FRMD4A: variants seen among roughly 807,000 people sequenced by gnomAD.
The protein encoded by FRMD4A is FERM domain-containing protein 4A.
A neutral mutation model predicts 129.1 loss-of-function variants in FRMD4A; 29 were observed. The observed-to-expected ratio is 0.22, with a 90% CI of 0.17 to 0.31. FRMD4A has a LOEUF of 0.31. Ranked by LOEUF, FRMD4A falls within the 10% of genes least tolerant of loss-of-function variation. The probability of loss-of-function intolerance (pLI) is 1.00; values close to 1 mark genes in which losing one functional copy is unlikely to be tolerated. For missense variants in FRMD4A, 1,272 were observed against 1,375.8 expected (o/e 0.92, Z 1.19); for synonymous variants, 634 against 571.6 (o/e 1.11, Z -1.56).
chr10:14,234,359 C>T (rs1843731890), intron 2 of FRMD4A, among the ~76,000 whole-genome samples: 2 of 152,218 alleles, frequency 1.3e-5, no homozygotes, highest in African/African-American at 4.8e-5. Flanking sequence ...CAGAGACCAA[C>T]TCTGTTTTTA....
chr10:13,870,274 C>T (rs188331673), intron 2 of FRMD4A, among the ~76,000 whole-genome samples: 81 of 152,330 alleles, frequency 5.3e-4, no homozygotes, highest in Admixed American at 3.5e-3. Flanking sequence ...CTGTGAAAGA[C>T]GACTGTCTGA....
chr10:14,219,756 T>C (rs1275247025), intron 2 of FRMD4A, among the ~76,000 whole-genome samples: 1 of 152,144 alleles, frequency 6.6e-6, no homozygotes, highest in Non-Finnish European at 1.5e-5. Flanking sequence ...AGGCTGCCTG[T>C]GTGCATCCTC....
chr10:14,203,954 T>A (rs756579856), intron 2 of FRMD4A, among the ~76,000 whole-genome samples: 11 of 152,224 alleles, frequency 7.2e-5, no homozygotes, highest in Non-Finnish European at 1.5e-4. Context: ...TCCCAACAGA[T>A]TGTCAGTAAC....
At chr10:14,269,886 A>T (rs921822621) in intron 2 of FRMD4A, among the ~76,000 whole-genome samples, 5 of 152,280 alleles carry the variant, frequency 3.3e-5, no homozygotes, top group South Asian at 4.2e-4. Flanking sequence ...AGAGAAACCC[A>T]GGTGATTTGG....
intron 2 of FRMD4A, among the ~76,000 whole-genome samples, chr10:14,321,496 T>C (rs1843048490): frequency 6.6e-6 from 1 of 151,842 alleles, no homozygotes; most frequent in South Asian, 2.1e-4. Context: ...TCCAACACTG[T>C]GAGAGTATGA....
chr10:13,731,278 G>A (rs2090306761), intron 12 of FRMD4A, among the ~76,000 whole-genome samples: 1 of 152,158 alleles, frequency 6.6e-6, no homozygotes, highest in Non-Finnish European at 1.5e-5. Flanking sequence ...AAAGAGGGAG[G>A]GGGAAACATC....
At chr10:14,227,294 C>T (rs1843478054) in intron 2 of FRMD4A, among the ~76,000 whole-genome samples, 1 of 127,696 alleles carries the variant, frequency 7.8e-6, no homozygotes, top group Admixed American at 8.9e-5. Flanking sequence ...CTCTGTCACC[C>T]AGGCTGGAGT....
intron 2 of FRMD4A, chr10:13,891,890 C>G (rs984151369): frequency 1.8e-4 from 51 of 283,774 alleles, no homozygotes; most frequent in Non-Finnish European, 2.6e-4. Context: ...CGCCCGCGCC[C>G]GGCCCGCCGC....
intron 2 of FRMD4A, among the ~76,000 whole-genome samples, chr10:14,233,627 T>C (rs971832098): frequency 5.3e-5 from 8 of 152,166 alleles, no homozygotes; most frequent in Admixed American, 3.9e-4. Flanking sequence ...CTAGTTAGTA[T>C]AGGATGTAAG....
chr10:14,090,357 G>T (rs1836589972), intron 2 of FRMD4A, among the ~76,000 whole-genome samples: 1 of 152,216 alleles, frequency 6.6e-6, no homozygotes, highest in Admixed American at 6.5e-5. Context: ...ATGATTAGGA[G>T]CGTAATTGGT....
chr10:13,685,087 A>G (rs1340231923), intron 15 of FRMD4A: 13 of 984,832 alleles, frequency 1.3e-5, no homozygotes, highest in Non-Finnish European at 1.6e-5. Flanking sequence ...GCCACATTGC[A>G]GACTGCAGGA....
chr10:13,697,825 G>A (rs1434107765), intron 14 of FRMD4A, among the ~76,000 whole-genome samples: 1 of 152,196 alleles, frequency 6.6e-6, no homozygotes, highest in Non-Finnish European at 1.5e-5. Flanking sequence ...AGTGTCTAAT[G>A]TCGACTCTAA....
intron 23 of FRMD4A, chr10:13,654,190 C>T (rs557254669): frequency 3.1e-5 from 18 of 580,746 alleles, no homozygotes; most frequent in South Asian, 1.5e-4. Context: ...CAAGGACCAC[C>T]GCCTACTTTA....
chr10:14,316,524 A>AAAAAAAAAG (rs556192567), intron 2 of FRMD4A, among the ~76,000 whole-genome samples: 15 of 132,624 alleles, frequency 1.1e-4, no homozygotes, highest in Non-Finnish European at 2.4e-4. Flanking sequence ...AAAAAAAAAA[A>AAAAAAAAAG]AAGAAGAAGA....
At chr10:13,880,794 A>G (rs1014800602) in intron 2 of FRMD4A, among the ~76,000 whole-genome samples, 1 of 151,496 alleles carries the variant, frequency 6.6e-6, no homozygotes, top group Non-Finnish European at 1.5e-5. Flanking sequence ...GGTCTACAAG[A>G]CCCCTGTGTT....
At chr10:13,672,668 G>T (rs1384344029) in intron 16 of FRMD4A, among the ~76,000 whole-genome samples, 1 of 152,046 alleles carries the variant, frequency 6.6e-6, no homozygotes, top group East Asian at 1.9e-4. Flanking sequence ...CTCTGCAGTG[G>T]GGCCTCGGCT....
intron 2 of FRMD4A, among the ~76,000 whole-genome samples, chr10:14,081,347 G>C (rs560695562): frequency 6.6e-6 from 1 of 152,278 alleles, no homozygotes; most frequent in African/African-American, 2.4e-5. Context: ...CTGGGTGCCT[G>C]CAACCACTGG....
intron 2 of FRMD4A, among the ~76,000 whole-genome samples, chr10:14,328,843 C>T (rs996209636): frequency 4.6e-5 from 7 of 151,992 alleles, no homozygotes; most frequent in African/African-American, 7.3e-5. Context: ...TATCATCAGA[C>T]GATAGAATTA....
At chr10:13,992,479 G>C (rs913331930) in intron 2 of FRMD4A, among the ~76,000 whole-genome samples, 3 of 152,112 alleles carry the variant, frequency 2.0e-5, no homozygotes, top group Non-Finnish European at 4.4e-5. Context: ...CCTAAGTCTC[G>C]GGTCACATGG....
Sources: gnomAD v4.1 joint callset for allele counts (sites outside exome capture counted in the v4.1 genomes callset) on GRCh38, gnomAD v4.1.1 for gene constraint, MANE v1.5 for transcripts, NCBI Gene and HGNC (gene_info 2026-07-23, HGNC 2026-07-21) for gene names.